PTPRR: variants seen among roughly 807,000 people sequenced by gnomAD.
The protein encoded by PTPRR is protein tyrosine phosphatase receptor type R.
PTPRR carries 38 observed loss-of-function variants against 77.2 expected under a neutral mutation model. The ratio of observed to expected loss-of-function variants is 0.49; its 90% CI spans 0.38 to 0.65. PTPRR has a LOEUF of 0.65. PTPRR is among the 30% of genes least tolerant of loss of function. PTPRR has a pLI of 0.00. For synonymous variants in PTPRR, 299 were observed against 283.1 expected (o/e 1.06, Z -0.57); for missense variants, 744 against 799.2 (o/e 0.93, Z 0.83).
chr12:70,663,225 A>G (rs1886860764), intron 10 of PTPRR, among the ~76,000 whole-genome samples: 1 of 152,190 alleles, frequency 6.6e-6, no homozygotes, highest in African/African-American at 2.4e-5. Flanking sequence ...AAATATTTTT[A>G]TAATGGATCC....
intron 8 of PTPRR, among the ~76,000 whole-genome samples, chr12:70,687,601 G>A (rs747887429): frequency 1.3e-5 from 2 of 152,044 alleles, no homozygotes; most frequent in South Asian, 2.1e-4. Context: ...CCTGTTGATC[G>A]AGGCAGGCTT....
At chr12:70,864,968 C>T (rs1179119907) in intron 2 of PTPRR, among the ~76,000 whole-genome samples, 5 of 151,370 alleles carry the variant, frequency 3.3e-5, no homozygotes, top group African/African-American at 1.2e-4. Flanking sequence ...TGCGTCACCA[C>T]ACCTGGCTAA....
chr12:70,758,779 T>C (rs1378703296), intron 4 of PTPRR, among the ~76,000 whole-genome samples: 1 of 152,214 alleles, frequency 6.6e-6, no homozygotes, highest in East Asian at 1.9e-4. Context: ...AGTAACTTTA[T>C]TCATAGAACT....
intron 2 of PTPRR, among the ~76,000 whole-genome samples, chr12:70,828,918 T>G (rs1207006904): frequency 6.6e-6 from 1 of 152,166 alleles, no homozygotes. Flanking sequence ...AAATAAACAT[T>G]TACTGCAAAC....
chr12:70,819,314 A>T (rs1399508148), intron 2 of PTPRR, among the ~76,000 whole-genome samples: 1 of 152,220 alleles, frequency 6.6e-6, no homozygotes, highest in Non-Finnish European at 1.5e-5. Context: ...CAAAACAAAC[A>T]AACAAACAAG....
chr12:70,821,645 T>C (rs986697232), intron 2 of PTPRR, among the ~76,000 whole-genome samples: 4 of 151,496 alleles, frequency 2.6e-5, no homozygotes, highest in Non-Finnish European at 5.9e-5. Flanking sequence ...GAGAAACCTA[T>C]GTATGTATGT....
chr12:70,882,354 T>C (rs1372974294), intron 2 of PTPRR, among the ~76,000 whole-genome samples: 1 of 152,198 alleles, frequency 6.6e-6, no homozygotes, highest in African/African-American at 2.4e-5. Flanking sequence ...GGTCAGAATC[T>C]GTATCCTAAG....
intron 2 of PTPRR, among the ~76,000 whole-genome samples, chr12:70,803,945 C>T (rs1017728863): frequency 5.3e-5 from 8 of 151,688 alleles, no homozygotes; most frequent in African/African-American, 1.5e-4. Context: ...AGGTGGATGG[C>T]GGGTCTAGGA....
At chr12:70,825,497 C>T (rs968437888) in intron 2 of PTPRR, among the ~76,000 whole-genome samples, 4 of 152,112 alleles carry the variant, frequency 2.6e-5, no homozygotes, top group African/African-American at 7.2e-5. Flanking sequence ...CCCTCTACCA[C>T]CCAAAATGTG....
At chr12:70,849,218 T>C (rs1892534266) in intron 2 of PTPRR, among the ~76,000 whole-genome samples, 1 of 151,846 alleles carries the variant, frequency 6.6e-6, no homozygotes, top group South Asian at 2.1e-4. Context: ...ACCATGGAAG[T>C]AGATATAAGA....
At chr12:70,822,776 A>T (rs2137042216) in intron 2 of PTPRR, among the ~76,000 whole-genome samples, 1 of 152,338 alleles carries the variant, frequency 6.6e-6, no homozygotes, top group African/African-American at 2.4e-5. Flanking sequence ...GCCTGTAGAA[A>T]GTTGCCGCTA....
intron 2 of PTPRR, among the ~76,000 whole-genome samples, chr12:70,773,562 G>A (rs1891026496): frequency 1.3e-5 from 2 of 152,164 alleles, no homozygotes; most frequent in South Asian, 4.1e-4. Context: ...TGGCTTGGCA[G>A]ATGGAGCATA....
intron 2 of PTPRR, among the ~76,000 whole-genome samples, chr12:70,862,579 G>A (rs1376412793): frequency 7.5e-6 from 1 of 132,916 alleles, no homozygotes; most frequent in Non-Finnish European, 1.6e-5. Context: ...ATCACACTCT[G>A]GGGACTGTTG....
At position 70,755,052 on chromosome 12, in the gene PTPRR, AATTTT is replaced by A. The variant is rs536128291; in HGVS notation, c.628-756_628-752del. Among the ~76,000 whole-genome samples the A allele has an allele frequency of 3.0e-4, 46 of 152,284 alleles. 1 individual carries two copies. In the East Asian group the frequency reaches 8.5e-3, roughly 28 times the overall value. On this transcript the variant is annotated intron_variant, in intron 4 of 13. Coordinates refer to ENST00000283228, the MANE Select transcript of PTPRR (RefSeq NM_002849.4). ...TGAATAAAGTGTGCATGACTCTATTAATTTTATTTTATTAATTTTTTTAAAGAAGC... is the reference window on the plus strand; with the variant it reads ...TGAATAAAGTGTGCATGACTCTATTAATTTTATTAATTTTTTTAAAGAAGC...
At chr12:70,784,454 TCCCC>T (rs1891277646) in intron 2 of PTPRR, among the ~76,000 whole-genome samples, 1 of 152,062 alleles carries the variant, frequency 6.6e-6, no homozygotes, top group Non-Finnish European at 1.5e-5. Context: ...TCTCCGGAGC[TCCCC>T]CTGTGGCCCG....
chr12:70,768,014 A>C (rs1443606604), intron 2 of PTPRR, among the ~76,000 whole-genome samples: 9 of 152,120 alleles, frequency 5.9e-5, no homozygotes, highest in Non-Finnish European at 1.3e-4. Flanking sequence ...CATTCAAAGC[A>C]GTGTGTAGAG....
At chr12:70,727,025 G>A (rs1889465072) in intron 6 of PTPRR, among the ~76,000 whole-genome samples, 1 of 152,082 alleles carries the variant, frequency 6.6e-6, no homozygotes, top group Non-Finnish European at 1.5e-5. Flanking sequence ...GAAAGAACAT[G>A]TATGTTAAAA....
intron 2 of PTPRR, among the ~76,000 whole-genome samples, chr12:70,861,766 G>T (rs954820794): frequency 2.0e-5 from 3 of 152,014 alleles, no homozygotes; most frequent in Non-Finnish European, 4.4e-5. Flanking sequence ...ATTGTTAAAG[G>T]GCCATCAATC....
At chr12:70,781,650 T>C (rs1891205268) in intron 2 of PTPRR, among the ~76,000 whole-genome samples, 1 of 152,206 alleles carries the variant, frequency 6.6e-6, no homozygotes, top group Non-Finnish European at 1.5e-5. Flanking sequence ...AAAATTAGTA[T>C]GTTGTCAGTA....
Sources: allele counts gnomAD v4.1 joint callset (sites outside exome capture counted in the v4.1 genomes callset), GRCh38; gene constraint gnomAD v4.1.1; transcripts MANE v1.5; gene names NCBI Gene and HGNC (gene_info 2026-07-23, HGNC 2026-07-21).